MCTP1: variants seen among roughly 807,000 people sequenced by gnomAD.
MCTP1 encodes multiple C2 and transmembrane domain containing 1.
MCTP1 carries 69 observed loss-of-function variants against 120.6 expected under a neutral mutation model. That is an observed-to-expected ratio of 0.57 (90% CI 0.47 to 0.70). MCTP1 has a LOEUF of 0.70. Among genes scored for constraint, MCTP1 ranks in the 30% least tolerant of loss-of-function variants. The pLI is 0.00. For missense variants in MCTP1, 1,203 were observed against 1,248.8 expected, an observed-to-expected ratio of 0.96 and a Z score of 0.55; for synonymous variants, 529 against 493.1, an observed-to-expected ratio of 1.07 and a Z score of -0.96.
chr5:94,785,886 A>G (rs935795172), intron 18 of MCTP1, among the ~76,000 whole-genome samples: 1 of 152,148 alleles, frequency 6.6e-6, no homozygotes, highest in Non-Finnish European at 1.5e-5. Context: ...AACCCCATCA[A>G]TAATTTTGGG....
chr5:94,714,842 C>T lies in MCTP1; in HGVS notation c.2655G>A (p.Gln885=). The T allele has an allele frequency of 1.2e-6, 2 of 1,612,982 alleles. No homozygotes were observed. The highest frequency in any genetic ancestry group is 1.7e-6 in the Non-Finnish European group (2 of 1,179,106). Residue 885 remains glutamine (Q), a synonymous_variant, in exon 20 of 23, where the codon CAG becomes CAA. Coordinates refer to ENST00000515393, the MANE Select transcript of MCTP1 (RefSeq NM_024717.7). ...TGTTCTGGACACTGACACATACCTC[C>T]TGGATGGCATAGATTTTATTTATAA... ...KGFINKIYAI[Q]EVCVSVQNIL...
intron 1 of MCTP1, among the ~76,000 whole-genome samples, chr5:95,095,495 C>G (rs1010254989): frequency 2.0e-5 from 3 of 152,170 alleles, no homozygotes; most frequent in Admixed American, 2.0e-4. Flanking sequence ...AACAGAGCAG[C>G]AGGGTCAGAA....
intron 19 of MCTP1, among the ~76,000 whole-genome samples, chr5:94,733,175 A>G (rs534995045): frequency 1.8e-4 from 27 of 152,356 alleles, no homozygotes; most frequent in Admixed American, 1.4e-3. Flanking sequence ...AAAAATTTTA[A>G]TGCAACTGAA....
chr5:94,987,137 T>C (rs1241443039), intron 2 of MCTP1, among the ~76,000 whole-genome samples: 1 of 152,196 alleles, frequency 6.6e-6, no homozygotes, highest in Non-Finnish European at 1.5e-5. Flanking sequence ...TCCTCGGCTA[T>C]AGAATTGCAG....
At chr5:95,040,030 T>G (rs1842064325) in intron 1 of MCTP1, among the ~76,000 whole-genome samples, 1 of 152,224 alleles carries the variant, frequency 6.6e-6, no homozygotes, top group South Asian at 2.1e-4. Context: ...AAATGTTTCT[T>G]AGTAACCAGT....
At chr5:95,263,756 C>G (rs968692830) in intron 1 of MCTP1, among the ~76,000 whole-genome samples, 3 of 152,174 alleles carry the variant, frequency 2.0e-5, no homozygotes, top group Non-Finnish European at 2.9e-5. Flanking sequence ...ACCCTCCTAA[C>G]AGCACCATCA....
At chr5:95,079,170 G>C (rs188421158) in intron 1 of MCTP1, among the ~76,000 whole-genome samples, 1 of 152,174 alleles carries the variant, frequency 6.6e-6, no homozygotes, top group East Asian at 1.9e-4. Flanking sequence ...TCTCAGGGGG[G>C]ATAAGCATTA....
chr5:95,054,641 G>T lies in MCTP1; in HGVS notation c.721-37157C>A, dbSNP rs148388846. Reference sequence around the variant, plus strand: ...TCCCCCCTACAACACACACCAGTCAGTAACTATAAACTGAATCCCCACCAT... The same window carrying T: ...TCCCCCCTACAACACACACCAGTCATTAACTATAAACTGAATCCCCACCAT... On this transcript the variant is annotated intron_variant, in intron 1 of 22. Coordinates refer to ENST00000515393, the MANE Select transcript of MCTP1 (RefSeq NM_024717.7). Among the ~76,000 whole-genome samples, 33 of 152,204 alleles carry T rather than the reference G, an allele frequency of 2.2e-4. No individual in the cohort carries two copies. In the East Asian group the frequency reaches 6.0e-3, roughly 28 times the overall value.
At chr5:95,134,507 C>T (rs765585569) in intron 1 of MCTP1, among the ~76,000 whole-genome samples, 3 of 152,302 alleles carry the variant, frequency 2.0e-5, no homozygotes, top group East Asian at 1.9e-4. Context: ...TTCAGTCACT[C>T]GTGCAGCTGC....
chr5:94,801,680 A>C (rs986439781), intron 17 of MCTP1, among the ~76,000 whole-genome samples: 1 of 152,162 alleles, frequency 6.6e-6, no homozygotes, highest in Non-Finnish European at 1.5e-5. Flanking sequence ...TTCCCTTGTA[A>C]TGTCCATTCA....
chr5:94,844,655 G>A (rs934971222), intron 17 of MCTP1, among the ~76,000 whole-genome samples: 7 of 152,204 alleles, frequency 4.6e-5, no homozygotes, highest in African/African-American at 1.4e-4. Context: ...CAGCCTCAAC[G>A]GAACCCAGCA....
rs1020591969 is a variant in MCTP1 at position 95,096,721 on chromosome 5, AC to A, written c.721-79238del. Among the ~76,000 whole-genome samples the A allele has an allele frequency of 2.0e-4, 31 of 152,308 alleles. 1 individual carries two copies. Among genetic ancestry groups the A allele is most frequent in the South Asian group, 6.2e-4 (3 of 4,830 alleles). ...AACAAATGGGAGCTGAACCTTACGA[AC>A]AAAAACTACCATAAAAGGCCTGAAA... On this transcript the variant is annotated intron_variant, in intron 1 of 22. Transcript: ENST00000515393.
At chr5:94,892,930 G>T (rs1330348602) in intron 11 of MCTP1, among the ~76,000 whole-genome samples, 1 of 152,172 alleles carries the variant, frequency 6.6e-6, no homozygotes, top group East Asian at 1.9e-4. Context: ...TTATGGATAT[G>T]AGTAAATATA....
At chr5:95,203,980 T>C (rs1477800671) in intron 1 of MCTP1, among the ~76,000 whole-genome samples, 1 of 152,198 alleles carries the variant, frequency 6.6e-6, no homozygotes, top group Non-Finnish European at 1.5e-5. Context: ...TGCAAAGAGA[T>C]GTGGATCCAT....
chr5:94,943,971 T>TC (rs1233025031), intron 3 of MCTP1, among the ~76,000 whole-genome samples: 4 of 152,074 alleles, frequency 2.6e-5, no homozygotes, highest in Non-Finnish European at 4.4e-5. Flanking sequence ...AGCCCAGCAC[T>TC]CCTATGCTCA....
At chr5:95,030,199 C>T (rs537691244) in intron 1 of MCTP1, among the ~76,000 whole-genome samples, 32 of 152,286 alleles carry the variant, frequency 2.1e-4, no homozygotes, top group African/African-American at 7.5e-4. Context: ...AGATCACATA[C>T]CTGTTGGCTC....
chr5:94,809,364 C>G (rs1259411237), intron 17 of MCTP1, among the ~76,000 whole-genome samples: 1 of 151,766 alleles, frequency 6.6e-6, no homozygotes, highest in Non-Finnish European at 1.5e-5. Flanking sequence ...AATGTAAAGC[C>G]CAGAGTATGT....
At chr5:95,004,397 G>T (rs529669074) in intron 2 of MCTP1, among the ~76,000 whole-genome samples, 10 of 152,332 alleles carry the variant, frequency 6.6e-5, no homozygotes, top group African/African-American at 2.2e-4. Flanking sequence ...GCCCGCTGTA[G>T]AAATTTGCAT....
chr5:94,789,426 C>T (rs1291172156), intron 18 of MCTP1: 1 of 152,200 alleles, frequency 6.6e-6, no homozygotes, highest in Non-Finnish European at 1.5e-5. Context: ...ATGTCACGTA[C>T]TGGTAATACT....
Sources: allele counts gnomAD v4.1 joint callset (sites outside exome capture counted in the v4.1 genomes callset), GRCh38; gene constraint gnomAD v4.1.1; transcripts MANE v1.5; gene names NCBI Gene and HGNC (gene_info 2026-07-23, HGNC 2026-07-21).